C1QTNF7: variants seen among roughly 807,000 people sequenced by gnomAD.
The protein encoded by C1QTNF7 is C1q and TNF related 7, also known as complement C1q tumor necrosis factor-related protein 7.
Under a neutral mutation model 19.6 loss-of-function variants are expected in C1QTNF7, and 15 were observed. That is an observed-to-expected ratio of 0.76 (90% CI 0.51 to 1.18). The LOEUF (loss-of-function observed/expected upper bound fraction) is 1.18, where lower values mean the gene tolerates loss of function less well. C1QTNF7 is among the 50% of genes most tolerant of loss of function. C1QTNF7 has a pLI of 0.00. For missense variants in C1QTNF7, 324 were observed against 359.7 expected (o/e 0.90, Z 0.80); for synonymous variants, 142 against 137.5 (o/e 1.03, Z -0.23).
chr4:15,433,916 G>A (rs563153142), intron 1 of C1QTNF7, among the ~76,000 whole-genome samples: 24 of 152,248 alleles, frequency 1.6e-4, no homozygotes, highest in African/African-American at 4.6e-4. Flanking sequence ...CTTTCACAAC[G>A]GAGAGAGAAC....
At chr4:15,370,557 G>C (rs1717684720) in intron 1 of C1QTNF7, among the ~76,000 whole-genome samples, 1 of 152,216 alleles carries the variant, frequency 6.6e-6, no homozygotes, top group South Asian at 2.1e-4. Flanking sequence ...AAAGGGCCAG[G>C]GATGGTGCTG....
intron 1 of C1QTNF7, among the ~76,000 whole-genome samples, chr4:15,410,977 C>A (rs970291402): frequency 1.3e-5 from 2 of 152,162 alleles, no homozygotes; most frequent in African/African-American, 4.8e-5. Flanking sequence ...TGCCTGTCAT[C>A]CAAATTGCAT....
At chr4:15,434,190 C>T (rs1403697440) in intron 1 of C1QTNF7, among the ~76,000 whole-genome samples, 2 of 151,216 alleles carry the variant, frequency 1.3e-5, no homozygotes, top group African/African-American at 4.9e-5. Context: ...CAACTAGTAA[C>T]ACCAAGATTT....
chr4:15,360,914 GT>G (rs2109298594), intron 1 of C1QTNF7, among the ~76,000 whole-genome samples: 1 of 152,282 alleles, frequency 6.6e-6, no homozygotes, highest in African/African-American at 2.4e-5. Context: ...CTGGTCTCCA[GT>G]CAAGTCATGT....
chr4:15,382,405 CAA>C (rs11296645), intron 1 of C1QTNF7, among the ~76,000 whole-genome samples: 42 of 147,648 alleles, frequency 2.8e-4, no homozygotes, highest in South Asian at 6.4e-4. Flanking sequence ...GATGATAAAG[CAA>C]AAAAAAAAAA....
chr4:15,402,282 T>C (rs1035664498), intron 1 of C1QTNF7, among the ~76,000 whole-genome samples: 1 of 152,218 alleles, frequency 6.6e-6, no homozygotes, highest in Non-Finnish European at 1.5e-5. Flanking sequence ...AGCCAAGCTA[T>C]GCTATAACTA....
chr4:15,400,279 G>A (rs567738483), intron 1 of C1QTNF7, among the ~76,000 whole-genome samples: 1 of 152,334 alleles, frequency 6.6e-6, no homozygotes, highest in Non-Finnish European at 1.5e-5. Context: ...ATTGCAAAAA[G>A]ATCTAAAGGC....
intron 1 of C1QTNF7, among the ~76,000 whole-genome samples, chr4:15,416,379 C>T (rs1719607653): frequency 6.6e-6 from 1 of 152,204 alleles, no homozygotes; most frequent in South Asian, 2.1e-4. Flanking sequence ...AATACCAGCT[C>T]GGTTCAACTC....
At chr4:15,404,291 G>A (rs1272289785) in intron 1 of C1QTNF7, among the ~76,000 whole-genome samples, 2 of 152,082 alleles carry the variant, frequency 1.3e-5, no homozygotes, top group Non-Finnish European at 2.9e-5. Flanking sequence ...CAATACATGG[G>A]GCCTAAGGAT....
chr4:15,363,726 C>A lies in C1QTNF7; in HGVS notation c.13+23519C>A, dbSNP rs373435575. 2.6e-5 allele frequency among the ~76,000 whole-genome samples: 4 copies of A among 152,146 alleles called. No individual in the cohort carries two copies. In the East Asian group the frequency reaches 7.7e-4, roughly 29 times the overall value. ...TGGCAAAATGAACATTGGAAAGTAA[C>A]TAACAGAATCTTGTAAGAAAATTAC... On this transcript the variant is annotated intron_variant, in intron 1 of 2. Transcript: ENST00000295297.
intron 1 of C1QTNF7, among the ~76,000 whole-genome samples, chr4:15,421,067 C>T (rs920344679): frequency 2.0e-5 from 3 of 151,702 alleles, no homozygotes; most frequent in Non-Finnish European, 2.9e-5. Context: ...CTCAGGCACC[C>T]TCCCCACAAA....
intron 1 of C1QTNF7, among the ~76,000 whole-genome samples, chr4:15,402,954 G>A (rs1253540058): frequency 1.3e-5 from 2 of 151,112 alleles, no homozygotes; most frequent in Non-Finnish European, 2.9e-5. Flanking sequence ...TTTCTGAGAG[G>A]TGAAAGTTTG....
rs1577287573 is a variant in C1QTNF7, at chr4:15,442,529, A to G, written c.600A>G (p.Thr200=). 6.2e-7 allele frequency: 1 copy of G among 1,614,174 alleles called. No homozygotes were observed. Among genetic ancestry groups the G allele is most frequent in the East Asian group, 2.2e-5 (1 of 44,876 alleles). Residue 200 remains threonine, a synonymous_variant, in exon 3 of 3, where the codon ACA becomes ACG. Coordinates refer to ENST00000444304, the MANE Select transcript of C1QTNF7 (RefSeq NM_031911.5). ...PGIYYFSYDI[T]LANKHLAIGL... is the part of the protein sequence containing the mutation. ...TCTATTACTTTTCTTATGATATCAC[A>G]TTGGCTAATAAGCATCTGGCAATCG...
intron 1 of C1QTNF7, among the ~76,000 whole-genome samples, chr4:15,430,918 C>T (rs1292944213): frequency 6.6e-6 from 1 of 152,030 alleles, no homozygotes; most frequent in Non-Finnish European, 1.5e-5. Flanking sequence ...GCCTTCTAAA[C>T]CCAATAAATT....
In C1QTNF7 at chr4:15,443,922, G is replaced by A. The variant is rs1712890091; in HGVS notation, c.*1123G>A. 6.6e-6 allele frequency: 1 copy of A among 152,208 alleles called. No individual in the cohort carries two copies. The allele number at this position is 152,208 out of a possible 1,614,324, so 9.4% of individuals were successfully genotyped here. ...TTCACTGATTTACGAGTAAGCTGAT[G>A]AGAGCAATGAACAGGAGAAGGAGGG... On this transcript the variant is annotated 3_prime_UTR_variant, in exon 3 of 3. Coordinates refer to ENST00000444304, the MANE Select transcript of C1QTNF7 (RefSeq NM_031911.5).
At chr4:15,441,327 C>A (rs1712748892) in intron 2 of C1QTNF7, among the ~76,000 whole-genome samples, 1 of 152,172 alleles carries the variant, frequency 6.6e-6, no homozygotes, top group African/African-American at 2.4e-5. Flanking sequence ...TTCATAAAGT[C>A]ACTGTGAAAC....
At chr4:15,396,430 G>A (rs927662641) in intron 1 of C1QTNF7, among the ~76,000 whole-genome samples, 10 of 152,168 alleles carry the variant, frequency 6.6e-5, no homozygotes, top group Non-Finnish European at 1.0e-4. Flanking sequence ...GTACAATTGT[G>A]CACTATCTTT....
At chr4:15,340,695 T>C (rs545416401) in intron 1 of C1QTNF7, among the ~76,000 whole-genome samples, 2 of 152,368 alleles carry the variant, frequency 1.3e-5, no homozygotes, top group South Asian at 2.1e-4. Flanking sequence ...TAACTTGTTT[T>C]GCAGAATATA....
At chr4:15,390,611 G>T (rs987764580) in intron 1 of C1QTNF7, among the ~76,000 whole-genome samples, 2 of 152,230 alleles carry the variant, frequency 1.3e-5, no homozygotes, top group African/African-American at 2.4e-5. Context: ...TCTTAGTAAA[G>T]AATCTGAACA....
Sources: gnomAD v4.1 joint callset for allele counts (sites outside exome capture counted in the v4.1 genomes callset) on GRCh38, gnomAD v4.1.1 for gene constraint, MANE v1.5 for transcripts, NCBI Gene and HGNC (gene_info 2026-07-23, HGNC 2026-07-21) for gene names.